Variants in KHDRBS3 observed in about 807,000 individuals in gnomAD.
KHDRBS3 encodes KH domain-containing, RNA-binding, signal transduction-associated protein 3.
A neutral mutation model predicts 45.6 loss-of-function variants in KHDRBS3; 23 were observed. The observed-to-expected ratio is 0.50, with a 90% CI of 0.36 to 0.72. The LOEUF is 0.72. Ranked by LOEUF, KHDRBS3 falls within the 30% of genes least tolerant of loss-of-function variation. The probability of loss-of-function intolerance (pLI) is 0.00; values close to 1 mark genes in which losing one functional copy is unlikely to be tolerated. For synonymous variants in KHDRBS3, 162 were observed against 156.5 expected, an observed-to-expected ratio of 1.04 and a Z score of -0.26; for missense variants, 352 against 424.8, an observed-to-expected ratio of 0.83 and a Z score of 1.51.
intron 5 of KHDRBS3, among the ~76,000 whole-genome samples, chr8:135,574,581 T>C (rs1827866652): frequency 6.6e-6 from 1 of 152,154 alleles, no homozygotes; most frequent in Non-Finnish European, 1.5e-5. Context: ...TATTGAATAT[T>C]TTGTAATTCA....
chr8:135,528,269 C>T (rs530137509), intron 2 of KHDRBS3, among the ~76,000 whole-genome samples: 7 of 152,278 alleles, frequency 4.6e-5, no homozygotes, highest in African/African-American at 1.2e-4. Context: ...TAAAACATGT[C>T]TGTTCCTGGT....
intron 1 of KHDRBS3, among the ~76,000 whole-genome samples, chr8:135,461,649 A>G (rs1821438694): frequency 6.6e-6 from 1 of 152,220 alleles, no homozygotes; most frequent in African/African-American, 2.4e-5. Context: ...CTTATGCATT[A>G]TAATTTAATC....
intron 6 of KHDRBS3, among the ~76,000 whole-genome samples, chr8:135,590,659 G>T (rs778505519): frequency 6.6e-6 from 1 of 152,142 alleles, no homozygotes; most frequent in Admixed American, 6.5e-5. Flanking sequence ...AATGATGGTA[G>T]AAACAAGCTA....
At chr8:135,532,218 A>G (rs1387732551) in intron 2 of KHDRBS3, among the ~76,000 whole-genome samples, 1 of 152,212 alleles carries the variant, frequency 6.6e-6, no homozygotes, top group Non-Finnish European at 1.5e-5. Context: ...CCTGAATACT[A>G]AGAATGGGGA....
At chr8:135,587,721 G>A (rs1014382045) in intron 6 of KHDRBS3, among the ~76,000 whole-genome samples, 1 of 152,124 alleles carries the variant, frequency 6.6e-6, no homozygotes, top group Admixed American at 6.5e-5. Context: ...AATTACACAG[G>A]AAAGCATGCC....
chr8:135,532,724 C>T (rs527876579), intron 2 of KHDRBS3, among the ~76,000 whole-genome samples: 1 of 152,178 alleles, frequency 6.6e-6, no homozygotes, highest in Non-Finnish European at 1.5e-5. Context: ...TACTAAGTAT[C>T]GGGCACTTGA....
intron 3 of KHDRBS3, among the ~76,000 whole-genome samples, chr8:135,545,482 T>C (rs1442122245): frequency 6.6e-6 from 1 of 152,206 alleles, no homozygotes; most frequent in Non-Finnish European, 1.5e-5. Context: ...TTCACTGTTA[T>C]CCAGACACTG....
chr8:135,539,896 A>G (rs1825961096), intron 2 of KHDRBS3: 1 of 152,228 alleles, frequency 6.6e-6, no homozygotes, highest in Non-Finnish European at 1.5e-5. Context: ...ATAAAAGTCA[A>G]TAAAATGCTT....
chr8:135,613,263 A>G (rs1407036406), intron 7 of KHDRBS3, among the ~76,000 whole-genome samples: 1 of 151,954 alleles, frequency 6.6e-6, no homozygotes, highest in Non-Finnish European at 1.5e-5. Context: ...CCGGTGCCAC[A>G]GTGGTTAAGT....
At chr8:135,466,249 C>T (rs1439605445) in intron 1 of KHDRBS3, among the ~76,000 whole-genome samples, 1 of 152,158 alleles carries the variant, frequency 6.6e-6, no homozygotes. Flanking sequence ...TGCTCAAGCG[C>T]CTGAGGTATG....
intron 4 of KHDRBS3, 94 bp from the exon 5 acceptor site, chr8:135,557,354 C>G (rs1024147044): frequency 1.1e-4 from 68 of 610,650 alleles, no homozygotes; most frequent in South Asian, 2.8e-4. Flanking sequence ...TTTTCCTAAC[C>G]CTTTTTTCTA....
intron 5 of KHDRBS3, among the ~76,000 whole-genome samples, chr8:135,563,255 C>G (rs564105082): frequency 6.6e-6 from 1 of 152,346 alleles, no homozygotes; most frequent in East Asian, 1.9e-4. Context: ...ATTGTCTTAA[C>G]TCCAGCGTTA....
intron 1 of KHDRBS3, among the ~76,000 whole-genome samples, chr8:135,459,789 G>A (rs1411855022): frequency 1.3e-5 from 2 of 152,178 alleles, no homozygotes; most frequent in African/African-American, 4.8e-5. Context: ...TTTGGATTCT[G>A]TGTTTTTACC....
intron 6 of KHDRBS3, among the ~76,000 whole-genome samples, chr8:135,589,974 A>G (rs1003815548): frequency 2.6e-5 from 4 of 152,220 alleles, no homozygotes; most frequent in Non-Finnish European, 5.9e-5. Context: ...GCAATTTAAT[A>G]TAAAGATTAT....
intron 7 of KHDRBS3, among the ~76,000 whole-genome samples, chr8:135,620,273 G>T (rs570373225): frequency 1.3e-5 from 2 of 151,944 alleles, no homozygotes; most frequent in Admixed American, 6.5e-5. Context: ...GCTAATTTTC[G>T]TATTTTTTTT....
chr8:135,626,978 A>T (rs1830401205), intron 7 of KHDRBS3, among the ~76,000 whole-genome samples: 1 of 152,196 alleles, frequency 6.6e-6, no homozygotes, highest in Admixed American at 6.5e-5. Flanking sequence ...AAGGAGTAGC[A>T]GGACATTGCC....
chr8:135,564,590 C>T (rs759384093), intron 5 of KHDRBS3, among the ~76,000 whole-genome samples: 3 of 152,060 alleles, frequency 2.0e-5, no homozygotes, highest in Non-Finnish European at 4.4e-5. Context: ...TTTGGGGAAG[C>T]GTCTTTATGA....
chr8:135,500,912 T>C (rs1823704864), intron 1 of KHDRBS3, among the ~76,000 whole-genome samples: 1 of 152,216 alleles, frequency 6.6e-6, no homozygotes, highest in South Asian at 2.1e-4. Context: ...GTGCTTGAAT[T>C]AAATATTCTC....
chr8:135,577,628 C>A (rs1416600184), intron 5 of KHDRBS3, among the ~76,000 whole-genome samples: 1 of 152,136 alleles, frequency 6.6e-6, no homozygotes, highest in Admixed American at 6.5e-5. Context: ...CTACTGTATG[C>A]ATGTAACCCA....
Sources: gnomAD v4.1 joint callset for allele counts (sites outside exome capture counted in the v4.1 genomes callset) on GRCh38, gnomAD v4.1.1 for gene constraint, MANE v1.5 for transcripts, NCBI Gene and HGNC (gene_info 2026-07-23, HGNC 2026-07-21) for gene names.